The following NSMCE2 variants were observed in gnomAD, a reference collection of about 807,000 sequenced individuals.
NSMCE2 encodes E3 SUMO-protein ligase NSE2.
Under a neutral mutation model 23.8 loss-of-function variants are expected in NSMCE2, and 24 were observed. That is an observed-to-expected ratio of 1.01 (90% CI 0.73 to 1.42). NSMCE2 has a LOEUF of 1.42. Among genes scored for constraint, NSMCE2 ranks in the 40% most tolerant of loss-of-function variants. The pLI is 0.00. For missense variants in NSMCE2, 284 were observed against 296.5 expected, an observed-to-expected ratio of 0.96 and a Z score of 0.31; for synonymous variants, 92 against 94.1, an observed-to-expected ratio of 0.98 and a Z score of 0.13.
chr8:125,104,179 G>A (rs1213649569), intron 3 of NSMCE2, among the ~76,000 whole-genome samples: 5 of 151,936 alleles, frequency 3.3e-5, no homozygotes, highest in Admixed American at 3.3e-4. Flanking sequence ...TAGTAGAGAC[G>A]GAGTTTCTTC....
At chr8:125,226,563 C>G (rs190249505) in intron 5 of NSMCE2, among the ~76,000 whole-genome samples, 1 of 152,250 alleles carries the variant, frequency 6.6e-6, no homozygotes, top group East Asian at 1.9e-4. Flanking sequence ...GAAGCCAGCT[C>G]AGGCCTTGTG....
At position 125,146,659 on chromosome 8, in the gene NSMCE2, C is replaced by T. The variant is rs988094287; in HGVS notation, c.158-4512C>T. Among the ~76,000 whole-genome samples, 24 of 152,122 alleles carry T rather than the reference C, an allele frequency of 1.6e-4. 1 individual carries two copies. The highest frequency in any genetic ancestry group is 9.2e-4 in the Admixed American group (14 of 15,272). On this transcript the variant is annotated intron_variant, in intron 3 of 7. Transcript: ENST00000287437. Reference sequence around the variant, plus strand: ...ACTATCGCAAGGACAGAAAACCAAACACCGCATGTTCTCACTCATAGGTGG... The same window carrying T: ...ACTATCGCAAGGACAGAAAACCAAATACCGCATGTTCTCACTCATAGGTGG...
At chr8:125,333,283 A>T (rs1829947256) in intron 5 of NSMCE2, among the ~76,000 whole-genome samples, 1 of 150,274 alleles carries the variant, frequency 6.7e-6, no homozygotes, top group Non-Finnish European at 1.5e-5. Flanking sequence ...AATCCTCCCC[A>T]TTCAGCCTCC....
chr8:125,254,984 A>G (rs1586676339), intron 5 of NSMCE2, among the ~76,000 whole-genome samples: 1 of 152,098 alleles, frequency 6.6e-6, no homozygotes, highest in Non-Finnish European at 1.5e-5. Context: ...CTGCCTGCCA[A>G]TAGAATATGG....
chr8:125,142,154 A>G (rs1329934271), intron 3 of NSMCE2, among the ~76,000 whole-genome samples: 1 of 152,166 alleles, frequency 6.6e-6, no homozygotes, highest in Non-Finnish European at 1.5e-5. Flanking sequence ...AATAATGATA[A>G]TGACAAATAT....
intron 5 of NSMCE2, among the ~76,000 whole-genome samples, chr8:125,185,715 A>G (rs951853747): frequency 2.6e-5 from 4 of 152,220 alleles, no homozygotes; most frequent in Non-Finnish European, 4.4e-5. Context: ...AAATATTAAC[A>G]TATGAAAAAT....
chr8:125,218,097 TCTC>T (rs991826082), intron 5 of NSMCE2, among the ~76,000 whole-genome samples: 1 of 152,214 alleles, frequency 6.6e-6, no homozygotes, highest in Non-Finnish European at 1.5e-5. Flanking sequence ...ACCTAATTTT[TCTC>T]CTTTTTAAAA....
intron 5 of NSMCE2, among the ~76,000 whole-genome samples, chr8:125,305,005 A>G (rs973238379): frequency 5.9e-5 from 9 of 151,856 alleles, no homozygotes; most frequent in African/African-American, 1.9e-4. Flanking sequence ...GAAGGAAGGA[A>G]GGAAAGAAAG....
At chr8:125,128,665 C>T (rs1434644783) in intron 3 of NSMCE2, among the ~76,000 whole-genome samples, 2 of 152,160 alleles carry the variant, frequency 1.3e-5, no homozygotes, top group African/African-American at 4.8e-5. Context: ...TCTGGAGGCT[C>T]CAGGGGAAAA....
At position 125,357,548 on chromosome 8, in the gene NSMCE2, C is replaced by T. The variant is rs1249481390; in HGVS notation, c.520-164C>T. Reference sequence around the variant, plus strand: ...AAGTCATGGCCTACAGGCCAAGTGACAGTACTGCCACTGGATTCCCTGCAT... The same window carrying T: ...AAGTCATGGCCTACAGGCCAAGTGATAGTACTGCCACTGGATTCCCTGCAT... On this transcript the variant is annotated intron_variant, in intron 6 of 7. Transcript: ENST00000287437. Among the ~76,000 whole-genome samples the T allele has an allele frequency of 2.0e-5, 3 of 152,196 alleles. No individual in the cohort carries two copies. In the South Asian group the frequency reaches 6.2e-4, roughly 31 times the overall value.
intron 4 of NSMCE2, among the ~76,000 whole-genome samples, chr8:125,170,376 CTTTTTTTTTT>C (rs565593006): frequency 5.7e-3 from 217 of 37,796 alleles, no homozygotes; most frequent in African/African-American, 0.017. Context: ...CTCTTTATTT[CTTTTTTTTTT>C]TTTTTTTTTT....
chr8:125,138,220 T>C (rs1185401899), intron 3 of NSMCE2, among the ~76,000 whole-genome samples: 1 of 152,144 alleles, frequency 6.6e-6, no homozygotes, highest in East Asian at 1.9e-4. Flanking sequence ...GTTTTTTCTT[T>C]TTAAATTTAT....
chr8:125,286,454 A>G (rs1827905616), intron 5 of NSMCE2, among the ~76,000 whole-genome samples: 2 of 151,804 alleles, frequency 1.3e-5, no homozygotes, highest in African/African-American at 4.8e-5. Context: ...CTGGGATTAC[A>G]GGCGCCCACC....
chr8:125,150,007 C>G (rs1820908596), intron 3 of NSMCE2, among the ~76,000 whole-genome samples: 1 of 152,136 alleles, frequency 6.6e-6, no homozygotes, highest in Non-Finnish European at 1.5e-5. Context: ...TACTATCTGC[C>G]TGAGACCACC....
intron 5 of NSMCE2, among the ~76,000 whole-genome samples, chr8:125,339,898 A>C (rs1830177738): frequency 6.6e-6 from 1 of 152,140 alleles, no homozygotes; most frequent in Non-Finnish European, 1.5e-5. Flanking sequence ...TACTGAAGGA[A>C]AGTTGCATGA....
At chr8:125,109,871 CCTT>C (rs1409115732) in intron 3 of NSMCE2, among the ~76,000 whole-genome samples, 2 of 152,102 alleles carry the variant, frequency 1.3e-5, no homozygotes, top group Non-Finnish European at 1.5e-5. Context: ...TCTAGTATTA[CCTT>C]CTTCTTTGAC....
chr8:125,093,952 A>T (rs1817805751), intron 1 of NSMCE2, among the ~76,000 whole-genome samples: 2 of 151,704 alleles, frequency 1.3e-5, no homozygotes, highest in Admixed American at 1.3e-4. Context: ...GCAAGCCACT[A>T]TGTCTGTGTA....
At chr8:125,362,306 T>C (rs1435660963) in intron 7 of NSMCE2, among the ~76,000 whole-genome samples, 1 of 152,160 alleles carries the variant, frequency 6.6e-6, no homozygotes, top group African/African-American at 2.4e-5. Context: ...CTTTAAAAAC[T>C]TGTGTTTATT....
chr8:125,361,773 G>T (rs1003890581), intron 7 of NSMCE2, among the ~76,000 whole-genome samples: 1 of 152,156 alleles, frequency 6.6e-6, no homozygotes, highest in Non-Finnish European at 1.5e-5. Flanking sequence ...TCCCCGTGCT[G>T]CTTAGTGACA....
Sources: gnomAD v4.1 joint callset for allele counts (sites outside exome capture counted in the v4.1 genomes callset) on GRCh38, gnomAD v4.1.1 for gene constraint, MANE v1.5 for transcripts, NCBI Gene and HGNC (gene_info 2026-07-23, HGNC 2026-07-21) for gene names.